DENND2B: variants seen among roughly 807,000 people sequenced by gnomAD.
DENND2B encodes DENN domain-containing protein 2B.
DENND2B carries 32 observed loss-of-function variants against 116.0 expected under a neutral mutation model. The observed-to-expected ratio is 0.28, with a 90% CI of 0.21 to 0.37. The LOEUF is 0.37. DENND2B is among the 10% of genes least tolerant of loss of function. DENND2B has a pLI of 1.00. For missense variants in DENND2B, 1,276 were observed against 1,477.7 expected, an observed-to-expected ratio of 0.86 and a Z score of 2.24; for synonymous variants, 588 against 583.9, an observed-to-expected ratio of 1.01 and a Z score of -0.10.
chr11:8,876,387 T>A (rs1179959453), upstream of DENND2B, among the ~76,000 whole-genome samples: 1 of 152,194 alleles, frequency 6.6e-6, no homozygotes, highest in Non-Finnish European at 1.5e-5. Context: ...ATGTCTTTTT[T>A]ATAGTAGATT....
intron 4 of DENND2B, among the ~76,000 whole-genome samples, chr11:8,819,061 G>GT (rs1455351093): frequency 2.0e-5 from 3 of 152,280 alleles, no homozygotes; most frequent in South Asian, 2.1e-4. Context: ...AAGAAGTTAC[G>GT]TTTTTTGTAT....
upstream of DENND2B, chr11:8,811,291 G>A (rs1383826618): frequency 5.0e-6 from 2 of 398,470 alleles, no homozygotes; most frequent in East Asian, 7.1e-5. Flanking sequence ...ACCAGTGCAG[G>A]GACTCATGGT....
Position 8,865,273 on chromosome 11 carries a change from G to T in DENND2B, c.-250+5681C>A, listed in dbSNP as rs1400428473. 3.3e-5 allele frequency among the ~76,000 whole-genome samples: 5 copies of T among 152,214 alleles called. No homozygotes were observed. The South Asian group carries it at 1.0e-3, about 32-fold the overall frequency. On this transcript the variant is annotated intron_variant, in intron 2 of 6. Coordinates refer to the DENND2B transcript ENST00000524757. ...TAAAGGACTTGAGTAAAATTCTTTT[G>T]ATGGTAATTTTTTTAAAAGATCATC...
intron 1 of DENND2B, among the ~76,000 whole-genome samples, chr11:8,756,120 T>C (rs2134082142): frequency 1.3e-5 from 2 of 152,286 alleles, no homozygotes; most frequent in Admixed American, 1.3e-4. Context: ...GAAAACAACA[T>C]TTGACCTGCT....
chr11:8,910,556 C>G (rs11608161), intron 1 of DENND2B, among the ~76,000 whole-genome samples: 2,121 of 151,532 alleles, frequency 0.014, 32 homozygotes, highest in Non-Finnish European at 0.02. Context: ...CACCACTCCT[C>G]CTACTGTGTG....
In DENND2B at chr11:8,711,224, C is replaced by T. The variant is rs371480768; in HGVS notation, c.2180G>A (p.Arg727Gln). The stretch of plus-strand genomic sequence containing the variant: ...TGCCTCTCGCATCTGCTTGGTGGGT[C>T]GGTCCAGCTGCAGGGAAGAAGGAAC... ...EVSYQFPKLD[R>Q]PTKQMREAEE... is the part of the protein sequence containing the mutation. The change falls in exon 10 of 20, where the codon CGA (arginine) becomes CAA (glutamine). Residue 727 changes from arginine (R) to glutamine (Q), a missense_variant. Arg to Gln is a conservative substitution (Grantham distance 43). Coordinates refer to ENST00000313726, the MANE Select transcript of DENND2B (RefSeq NM_213618.2). 190 of 1,613,572 alleles carry T rather than the reference C, an allele frequency of 1.2e-4. No individual in the cohort carries two copies. The highest frequency in any genetic ancestry group is 1.5e-4 in the Non-Finnish European group (179 of 1,179,972).
chr11:8,884,660 T>C (rs1172392027), intron 1 of DENND2B, among the ~76,000 whole-genome samples: 1 of 152,190 alleles, frequency 6.6e-6, no homozygotes, highest in Non-Finnish European at 1.5e-5. Flanking sequence ...AGTCACAGAA[T>C]GGAGCAAAGT....
rs184525382 is a variant in DENND2B at position 8,883,380 on chromosome 11, G to C, written c.-255-2271C>G. Among the ~76,000 whole-genome samples the C allele has an allele frequency of 1.1e-4, 16 of 152,252 alleles. No individual in the cohort carries two copies. In the East Asian group the frequency reaches 3.1e-3, roughly 29 times the overall value. ...TCTTAACTAGAGCACTGCTACTAAGGGCATTATGAAGCTGAATGAAGAATG... is the reference window on the plus strand; with the variant it reads ...TCTTAACTAGAGCACTGCTACTAAGCGCATTATGAAGCTGAATGAAGAATG... On this transcript the variant is annotated intron_variant, in intron 1 of 22. Transcript: ENST00000534127.
At chr11:8,719,145 A>G (rs1000839299) in intron 4 of DENND2B, 4 of 985,564 alleles carry the variant, frequency 4.1e-6, no homozygotes, top group Admixed American at 6.1e-5. Flanking sequence ...CAGGCAGAAG[A>G]AGGAGCTGGA....
intron 3 of DENND2B, among the ~76,000 whole-genome samples, chr11:8,845,842 G>A (rs142214888): frequency 6.6e-6 from 1 of 152,216 alleles, no homozygotes; most frequent in East Asian, 1.9e-4. Flanking sequence ...GTTTATTCGT[G>A]GATAATTACT....
In DENND2B at chr11:8,733,227, G is replaced by C. The variant is rs1295247692; in HGVS notation, c.81-2018C>G. On this transcript the variant is annotated intron_variant, in intron 2 of 19. Transcript: ENST00000313726. Reference sequence around the variant, plus strand: ...GGCAAGTCGCCAGGCTTGAGGCGGGGGGAGATCCCAACTTCCTCACAGTTC... The same window carrying C: ...GGCAAGTCGCCAGGCTTGAGGCGGGCGGAGATCCCAACTTCCTCACAGTTC... 2.0e-5 allele frequency among the ~76,000 whole-genome samples: 3 copies of C among 152,278 alleles called. No homozygotes were observed. In the East Asian group the frequency reaches 5.8e-4, roughly 29 times the overall value.
intron 4 of DENND2B, 32 bp downstream of exon 4, chr11:8,726,041 A>T (rs2047034488): frequency 1.9e-6 from 3 of 1,613,116 alleles, no homozygotes; most frequent in Non-Finnish European, 2.5e-6. Flanking sequence ...GCCCCCTGAG[A>T]TGACCCAGGT....
At chr11:8,899,217 A>C (rs1024272775) in intron 1 of DENND2B, among the ~76,000 whole-genome samples, 5 of 152,134 alleles carry the variant, frequency 3.3e-5, no homozygotes, top group Non-Finnish European at 7.4e-5. Context: ...GAGATTTGAG[A>C]GATACCACCA....
intron 1 of DENND2B, among the ~76,000 whole-genome samples, chr11:8,801,620 T>C (rs2060320929): frequency 6.7e-6 from 1 of 149,340 alleles, no homozygotes; most frequent in South Asian, 2.1e-4. Context: ...GAGGTTGCAG[T>C]GAGCCGAGAT....
chr11:8,718,096 A>ACC (rs1430185488), intron 4 of DENND2B: 10 of 71,128 alleles, frequency 1.4e-4, no homozygotes, highest in Admixed American at 4.0e-4. Context: ...AAGCAGACCC[A>ACC]CCCCCCCACC....
intron 1 of DENND2B, among the ~76,000 whole-genome samples, chr11:8,752,139 T>C (rs1410259089): frequency 6.6e-6 from 1 of 152,064 alleles, no homozygotes; most frequent in Non-Finnish European, 1.5e-5. Context: ...AAGGTGATGG[T>C]AAGTGGAATA....
At chr11:8,886,823 T>C (rs1360687505) in intron 1 of DENND2B, among the ~76,000 whole-genome samples, 2 of 152,140 alleles carry the variant, frequency 1.3e-5, no homozygotes, top group East Asian at 3.9e-4. Flanking sequence ...GGTGAAGATT[T>C]ATCTTTTTTT....
At chr11:8,726,747 C>A (rs955468389) in intron 3 of DENND2B, among the ~76,000 whole-genome samples, 2 of 152,198 alleles carry the variant, frequency 1.3e-5, no homozygotes, top group South Asian at 4.1e-4. Context: ...TAGCTGGGGA[C>A]TCCTGCCACT....
At chr11:8,736,762 G>A (rs184236435) in intron 2 of DENND2B, among the ~76,000 whole-genome samples, 154 of 152,340 alleles carry the variant, frequency 1.0e-3, no homozygotes, top group Admixed American at 2.6e-3. Flanking sequence ...GGGAAACAAT[G>A]AAGTGTGGGC....
Sources: allele counts gnomAD v4.1 joint callset (sites outside exome capture counted in the v4.1 genomes callset), GRCh38; gene constraint gnomAD v4.1.1; transcripts MANE v1.5; gene names NCBI Gene and HGNC (gene_info 2026-07-23, HGNC 2026-07-21).